Variants in KCNMA1 observed in about 807,000 individuals in gnomAD.
KCNMA1 encodes Calcium-activated potassium channel subunit alpha-1.
Under a neutral mutation model 140.0 loss-of-function variants are expected in KCNMA1, and 29 were observed. The ratio of observed to expected loss-of-function variants is 0.21; its 90% CI spans 0.15 to 0.28. KCNMA1 has a LOEUF of 0.28. Among genes scored for constraint, KCNMA1 ranks in the 10% least tolerant of loss-of-function variants. The pLI is 1.00. For synonymous variants in KCNMA1, 612 were observed against 611.9 expected (o/e 1.00, Z 0.00); for missense variants, 880 against 1,602.2 (o/e 0.55, Z 7.70).
intron 2 of KCNMA1, among the ~76,000 whole-genome samples, chr10:77,317,447 TG>T: frequency 6.6e-6 from 1 of 152,256 alleles, no homozygotes; most frequent in East Asian, 1.9e-4. Context: ...GGGACAAGTG[TG>T]GTTTCATCGG....
chr10:76,877,626 A>G (rs1322261400), downstream of KCNMA1: 5 of 971,922 alleles, frequency 5.1e-6, no homozygotes, highest in Non-Finnish European at 3.0e-6. Context: ...TTTTCTGGCA[A>G]TTCTTGCTTA....
chr10:77,043,657 T>A (rs866989406), intron 14 of KCNMA1, among the ~76,000 whole-genome samples: 9 of 152,190 alleles, frequency 5.9e-5, no homozygotes, highest in Non-Finnish European at 8.8e-5. Context: ...TATTATTCAG[T>A]CTTAAAAAAG....
chr10:77,289,380 A>G (rs1383748694), intron 2 of KCNMA1, among the ~76,000 whole-genome samples: 1 of 152,044 alleles, frequency 6.6e-6, no homozygotes, highest in Non-Finnish European at 1.5e-5. Context: ...GGCATCTGTA[A>G]CTCCAGCCGG....
intron 19 of KCNMA1, among the ~76,000 whole-genome samples, chr10:76,979,065 A>G (rs1371898898): frequency 6.6e-6 from 1 of 152,144 alleles, no homozygotes; most frequent in Non-Finnish European, 1.5e-5. Context: ...ACCTCGCCCA[A>G]TTTCCAGCCC....
chr10:77,507,988 T>A (rs971033095), intron 1 of KCNMA1, among the ~76,000 whole-genome samples: 1 of 152,194 alleles, frequency 6.6e-6, no homozygotes, highest in African/African-American at 2.4e-5. Context: ...AATAGGGAGA[T>A]GGTTAAGTAA....
chr10:77,333,481 T>C (rs184924241), intron 2 of KCNMA1, among the ~76,000 whole-genome samples: 1 of 151,534 alleles, frequency 6.6e-6, no homozygotes, highest in Admixed American at 6.6e-5. Context: ...GCCTGGCAAA[T>C]AACCCAAAGT....
intron 19 of KCNMA1, among the ~76,000 whole-genome samples, chr10:76,972,789 T>C (rs1036063540): frequency 3.3e-5 from 5 of 152,190 alleles, no homozygotes; most frequent in South Asian, 2.1e-4. Context: ...CTTAAATATA[T>C]GAACGCTGTG....
chr10:77,044,520 A>G (rs1274816698), intron 14 of KCNMA1, among the ~76,000 whole-genome samples: 3 of 152,040 alleles, frequency 2.0e-5, no homozygotes, highest in African/African-American at 7.2e-5. Context: ...GTGGTAGCAC[A>G]CCCCTGTAGT....
intron 1 of KCNMA1, among the ~76,000 whole-genome samples, chr10:77,528,446 TAAAA>T (rs2056564906): frequency 6.6e-6 from 1 of 151,652 alleles, no homozygotes. Flanking sequence ...CTGTCTCTAC[TAAAA>T]ATACAAAAAA....
Position 76,923,606 on chromosome 10 carries a change from C to T in KCNMA1, c.2903-8557G>A, listed in dbSNP as rs192006845. ...TAATATTCACCCGGTCTAATGTCTC[C>T]GTTTACCCAAGAGCTCATGGTATCA... On this transcript the variant is annotated intron_variant, in intron 23 of 27. Coordinates refer to ENST00000286628, the MANE Select transcript of KCNMA1 (RefSeq NM_001161352.2). Among the ~76,000 whole-genome samples, 20 of 152,250 alleles carry T rather than the reference C, an allele frequency of 1.3e-4. No homozygotes were observed. The East Asian group carries it at 2.9e-3, about 22-fold the overall frequency.
intron 20 of KCNMA1, among the ~76,000 whole-genome samples, chr10:76,967,639 T>C (rs895004713): frequency 2.0e-5 from 3 of 152,120 alleles, no homozygotes; most frequent in African/African-American, 7.2e-5. Flanking sequence ...GAGGAGTGTC[T>C]AAGACTTTCT....
Position 76,970,076 on chromosome 10 carries a change from AC to A in KCNMA1, c.2267-10del. ...CGGCTGCTCATCTTCAACTGGAAAT[AC>A]AGGCAGCTCATGAGATTATGAACAG... On this transcript the variant is annotated splice_polypyrimidine_tract_variant and intron_variant, in intron 19 of 27. Transcript: ENST00000286628. 1 of 1,610,658 alleles carries A rather than the reference AC, an allele frequency of 6.2e-7. No individual in the cohort carries two copies. Among genetic ancestry groups the A allele is most frequent in the Non-Finnish European group, 8.5e-7 (1 of 1,176,908 alleles).
chr10:77,300,670 T>G (rs1386287173), intron 2 of KCNMA1, among the ~76,000 whole-genome samples: 1 of 152,210 alleles, frequency 6.6e-6, no homozygotes, highest in East Asian at 1.9e-4. Flanking sequence ...GTCTTTTAAT[T>G]ACCATTTCAT....
chr10:76,957,501 T>A (rs984664960), intron 20 of KCNMA1, among the ~76,000 whole-genome samples: 2 of 152,254 alleles, frequency 1.3e-5, no homozygotes, highest in African/African-American at 4.8e-5. Flanking sequence ...TTATAAAAAT[T>A]GAAAGTAATT....
intron 5 of KCNMA1, among the ~76,000 whole-genome samples, chr10:77,124,464 C>T (rs1434688244): frequency 6.6e-6 from 1 of 152,142 alleles, no homozygotes; most frequent in Non-Finnish European, 1.5e-5. Flanking sequence ...TTAACAAAAG[C>T]AAGCAGGCAG....
At chr10:77,387,005 C>T (rs574062247) in intron 2 of KCNMA1, among the ~76,000 whole-genome samples, 17 of 152,294 alleles carry the variant, frequency 1.1e-4, no homozygotes, top group African/African-American at 3.6e-4. Context: ...CAGGGAAAGG[C>T]ATCTGCAGCG....
intron 3 of KCNMA1, among the ~76,000 whole-genome samples, chr10:77,247,502 T>C (rs1162651023): frequency 6.6e-6 from 1 of 152,186 alleles, no homozygotes; most frequent in Non-Finnish European, 1.5e-5. Flanking sequence ...TTGACTTGGT[T>C]GTACAATTTC....
intron 3 of KCNMA1, among the ~76,000 whole-genome samples, chr10:77,203,330 G>A (rs1172078352): frequency 6.6e-6 from 1 of 152,158 alleles, no homozygotes; most frequent in Non-Finnish European, 1.5e-5. Flanking sequence ...TGGACGGGCT[G>A]CTGCATTCAC....
intron 19 of KCNMA1, among the ~76,000 whole-genome samples, chr10:76,987,428 C>A (rs2081574120): frequency 6.6e-6 from 1 of 152,156 alleles, no homozygotes; most frequent in Admixed American, 6.5e-5. Context: ...AACTTTTTCC[C>A]TAAAAGGCCA....
Sources: gnomAD v4.1 joint callset for allele counts (sites outside exome capture counted in the v4.1 genomes callset) on GRCh38, gnomAD v4.1.1 for gene constraint, MANE v1.5 for transcripts, NCBI Gene and HGNC (gene_info 2026-07-23, HGNC 2026-07-21) for gene names.